CTNNA3: variants seen among roughly 807,000 people sequenced by gnomAD.
The protein encoded by CTNNA3 is catenin alpha 3, also known as catenin alpha-3.
CTNNA3 carries 76 observed loss-of-function variants against 95.7 expected under a neutral mutation model. The observed-to-expected ratio is 0.79, with a 90% CI of 0.66 to 0.96. The LOEUF is 0.96. Among genes scored for constraint, CTNNA3 ranks in the 40% least tolerant of loss-of-function variants. The pLI is 0.00. For missense variants in CTNNA3, 1,191 were observed against 1,089.8 expected, an observed-to-expected ratio of 1.09 and a Z score of -1.31; for synonymous variants, 431 against 374.4, an observed-to-expected ratio of 1.15 and a Z score of -1.74.
chr10:67,760,540 CCA>C (rs1337939783), intron 1 of CTNNA3, among the ~76,000 whole-genome samples: 8 of 152,164 alleles, frequency 5.3e-5, no homozygotes, highest in Non-Finnish European at 1.2e-4. Context: ...GTATGGACTA[CCA>C]CACACTTAGT....
chr10:66,538,170 C>A (rs1202959473), intron 10 of CTNNA3, among the ~76,000 whole-genome samples: 2 of 152,128 alleles, frequency 1.3e-5, no homozygotes, highest in East Asian at 1.9e-4. Flanking sequence ...TTTAATAACA[C>A]AATTTTTTAT....
chr10:66,082,825 T>C (rs1485799430), intron 14 of CTNNA3, among the ~76,000 whole-genome samples: 1 of 152,220 alleles, frequency 6.6e-6, no homozygotes, highest in Non-Finnish European at 1.5e-5. Flanking sequence ...TTTTCAGTCA[T>C]TGGCATCCTG....
intron 13 of CTNNA3, among the ~76,000 whole-genome samples, chr10:66,255,009 C>T (rs1203155057): frequency 6.6e-6 from 1 of 152,212 alleles, no homozygotes; most frequent in Non-Finnish European, 1.5e-5. Flanking sequence ...GGTGGCAAGT[C>T]CACCTTCACT....
At chr10:66,740,797 C>G (rs1849302554) in intron 9 of CTNNA3, among the ~76,000 whole-genome samples, 1 of 152,178 alleles carries the variant, frequency 6.6e-6, no homozygotes. Flanking sequence ...ACCCTTCATT[C>G]ATAGAACACT....
At chr10:67,653,446 G>A (rs1015891024) in intron 1 of CTNNA3, among the ~76,000 whole-genome samples, 3 of 152,070 alleles carry the variant, frequency 2.0e-5, no homozygotes, top group Non-Finnish European at 4.4e-5. Flanking sequence ...CCCCTACACA[G>A]ATACATTGGA....
At chr10:66,700,076 C>T (rs1015345422) in intron 9 of CTNNA3, among the ~76,000 whole-genome samples, 3 of 152,078 alleles carry the variant, frequency 2.0e-5, no homozygotes, top group Non-Finnish European at 4.4e-5. Flanking sequence ...AGTTTGCAAA[C>T]ATTTTTTCCA....
At chr10:66,156,844 G>A (rs1016949595) in intron 13 of CTNNA3, among the ~76,000 whole-genome samples, 5 of 151,782 alleles carry the variant, frequency 3.3e-5, no homozygotes, top group African/African-American at 1.2e-4. Flanking sequence ...TAATCTAAGT[G>A]TGTGAAAGGT....
intron 7 of CTNNA3, among the ~76,000 whole-genome samples, chr10:66,901,674 G>A (rs1845752672): frequency 1.3e-5 from 2 of 152,272 alleles, no homozygotes; most frequent in Middle Eastern, 3.4e-3. Flanking sequence ...ATAAAGGGAT[G>A]GAGGAAGATC....
chr10:67,143,492 T>C (rs569270388), intron 7 of CTNNA3, among the ~76,000 whole-genome samples: 41 of 149,854 alleles, frequency 2.7e-4, no homozygotes, highest in African/African-American at 9.1e-4. Context: ...TCACTCACAG[T>C]AGCACTTCTT....
intron 5 of CTNNA3, among the ~76,000 whole-genome samples, chr10:67,425,164 CTTAA>C (rs1845875809): frequency 6.6e-6 from 1 of 152,038 alleles, no homozygotes; most frequent in Admixed American, 6.6e-5. Flanking sequence ...TAAAAGATGT[CTTAA>C]TTAACTTATT....
rs570280641 is a variant in CTNNA3 at position 65,948,292 on chromosome 10, A to G, written c.2400+18320T>C. Among the ~76,000 whole-genome samples, 117 of 150,758 alleles carry G rather than the reference A, an allele frequency of 7.8e-4. 2 individuals carry two copies. The South Asian group carries it at 8.8e-3, about 11-fold the overall frequency. The stretch of plus-strand genomic sequence containing the variant: ...CGAGACTCCATCTCAAAAAAAAAAA[A>G]AAAAAAAGAAAGAAAGAAATACCAC... On this transcript the variant is annotated intron_variant, in intron 17 of 17. Coordinates refer to ENST00000433211, the MANE Select transcript of CTNNA3 (RefSeq NM_013266.4).
At chr10:66,830,828 C>T (rs1443700187) in intron 7 of CTNNA3, among the ~76,000 whole-genome samples, 1 of 152,058 alleles carries the variant, frequency 6.6e-6, no homozygotes, top group Non-Finnish European at 1.5e-5. Context: ...CCAGGATGGT[C>T]TCTATCTCCT....
intron 13 of CTNNA3, among the ~76,000 whole-genome samples, chr10:66,117,474 G>A (rs1194519243): frequency 1.3e-5 from 2 of 152,054 alleles, no homozygotes; most frequent in Non-Finnish European, 2.9e-5. Context: ...TTTAAAAAAT[G>A]AACTTGATTT....
intron 12 of CTNNA3, among the ~76,000 whole-genome samples, chr10:66,337,495 C>G (rs939464286): frequency 6.6e-6 from 1 of 152,080 alleles, no homozygotes; most frequent in African/African-American, 2.4e-5. Context: ...AAATCTGTGG[C>G]TCAGGATGAT....
intron 5 of CTNNA3, among the ~76,000 whole-genome samples, chr10:67,301,909 C>G (rs1840296601): frequency 6.6e-6 from 1 of 151,148 alleles, no homozygotes; most frequent in Non-Finnish European, 1.5e-5. Context: ...GCGGAGCTTG[C>G]AGTGAGCGGA....
At chr10:67,166,068 T>A (rs1293642168) in intron 7 of CTNNA3, among the ~76,000 whole-genome samples, 1 of 152,214 alleles carries the variant, frequency 6.6e-6, no homozygotes, top group East Asian at 1.9e-4. Context: ...CACTTAAAAT[T>A]GCCAAGGAGG....
At chr10:67,481,630 T>C (rs1848231878) in intron 5 of CTNNA3, among the ~76,000 whole-genome samples, 4 of 152,130 alleles carry the variant, frequency 2.6e-5, no homozygotes, top group South Asian at 4.1e-4. Context: ...ACACTGCTCA[T>C]TGTAGATTCT....
At chr10:67,533,141 T>A (rs1267122989) in intron 4 of CTNNA3, among the ~76,000 whole-genome samples, 1 of 152,132 alleles carries the variant, frequency 6.6e-6, no homozygotes, top group Non-Finnish European at 1.5e-5. Flanking sequence ...CTAGCCAACA[T>A]GGCAAAACAC....
chr10:66,164,510 T>C (rs1048249986), intron 13 of CTNNA3, among the ~76,000 whole-genome samples: 1 of 151,850 alleles, frequency 6.6e-6, no homozygotes, highest in African/African-American at 2.4e-5. Flanking sequence ...ATTGGACATA[T>C]GGACACTGTT....
Sources: gnomAD v4.1 joint callset for allele counts (sites outside exome capture counted in the v4.1 genomes callset) on GRCh38, gnomAD v4.1.1 for gene constraint, MANE v1.5 for transcripts, NCBI Gene and HGNC (gene_info 2026-07-23, HGNC 2026-07-21) for gene names.